RPL14: variants seen among roughly 807,000 people sequenced by gnomAD.
RPL14 encodes large ribosomal subunit protein eL14.
In RPL14, 4 loss-of-function variants were observed where a neutral mutation model predicts 25.3. The ratio of observed to expected loss-of-function variants is 0.16; its 90% confidence interval spans 0.08 to 0.36. RPL14 has a LOEUF of 0.36. RPL14 is among the 10% of genes least tolerant of loss of function. The probability of loss-of-function intolerance (pLI) is 1.00; values close to 1 mark genes in which losing one functional copy is unlikely to be tolerated. For missense variants in RPL14, 212 were observed against 261.9 expected, an observed-to-expected ratio of 0.81 and a Z score of 1.31; for synonymous variants, 75 against 89.8, an observed-to-expected ratio of 0.84 and a Z score of 0.93.
At chr3:40,458,803 T>G in intron 3 of RPL14, 67 bp downstream of exon 3, 1 of 1,250,256 alleles carries the variant, frequency 8.0e-7, no homozygotes, top group Non-Finnish European at 1.2e-6. Flanking sequence ...AAGTTTGTTT[T>G]GGAGTAAACA....
chr3:40,459,476 G>T (rs1575250584), intron 3 of RPL14, among the ~76,000 whole-genome samples: 1 of 152,192 alleles, frequency 6.6e-6, no homozygotes, highest in African/African-American at 2.4e-5. Flanking sequence ...AAACACTTTA[G>T]TGTGTTGCTA....
intron 1 of RPL14, 66 bp from the exon 2 acceptor site, chr3:40,457,824 C>T (rs1268618595): frequency 3.3e-5 from 46 of 1,394,188 alleles, no homozygotes; most frequent in Non-Finnish European, 1.5e-5. Context: ...TCTTTAGCTG[C>T]AGAAGGTGAC....
intron 2 of RPL14, 75 bp downstream of exon 2, chr3:40,458,066 T>C (rs1448328175): frequency 3.9e-6 from 5 of 1,268,716 alleles, no homozygotes; most frequent in Admixed American, 1.7e-5. Flanking sequence ...ATTGTCTCGA[T>C]GGCTGTGTAA....
Position 40,461,830 on chromosome 3 carries a change from ATGTAGT to A in RPL14, c.355-103_355-98del, listed in dbSNP as rs1459819575. The stretch of plus-strand genomic sequence containing the variant: ...CTATGGAATTGTTACCTTTCTTCAG[ATGTAGT>A]TGTAGGGAAACAGACTACTTAATGC... On this transcript the variant is annotated intron_variant, in intron 5 of 5. Transcript: ENST00000396203. 9.1e-5 allele frequency: 120 copies of A among 1,324,474 alleles called. No individual in the cohort carries two copies. In the East Asian group the frequency reaches 1.7e-3, roughly 18 times the overall value. The allele number at this position is 1,324,474 out of a possible 1,614,324, so 82.0% of individuals were successfully genotyped here. A position where few individuals can be genotyped will look rare whatever the true frequency, so the allele number is the denominator to read the frequency against.
chr3:40,457,803 T>A, intron 1 of RPL14, 87 bp from the exon 2 acceptor site: 1 of 1,297,776 alleles, frequency 7.7e-7, no homozygotes, highest in South Asian at 1.2e-5. Context: ...TCGCTGAATT[T>A]AACCATGTTG....
At position 40,468,052 on chromosome 3, in the gene RPL14, A is replaced by G. The variant is rs886106893; in HGVS notation, c.*5820A>G. ...GCCAGGATGGTGGATGGGCATTTGA[A>G]TGGGTAGACTGAGTGATCCTGACCT... On this transcript the variant is annotated 3_prime_UTR_variant, in exon 6 of 6. Transcript: ENST00000396203. 1.3e-5 allele frequency: 2 copies of G among 152,116 alleles called. No homozygotes were observed. The highest frequency in any genetic ancestry group is 2.4e-5 in the African/African-American group (1 of 41,422). The allele number at this position is 152,116 out of a possible 1,614,324, so 9.4% of individuals were successfully genotyped here.
intron 1 of RPL14, chr3:40,457,689 G>C: frequency 1.5e-6 from 1 of 656,518 alleles, no homozygotes; most frequent in Non-Finnish European, 2.6e-6. Context: ...CCTGGGAGCT[G>C]GCGGGCGTTG....
chr3:40,462,917 TTTTA>T lies in RPL14; in HGVS notation c.*697_*700del, dbSNP rs1373168591. On this transcript the variant is annotated 3_prime_UTR_variant, in exon 6 of 6. Transcript: ENST00000396203. ...GATGCTCAAGAGTCTAGCAGATTTA[TTTTA>T]TTTATTTATTTTTTTTTTTTGGAGA... 6 of 152,022 alleles carry T rather than the reference TTTTA, an allele frequency of 3.9e-5. No individual in the cohort carries two copies. In the South Asian group the frequency reaches 8.3e-4, roughly 21 times the overall value. The allele number at this position is 152,022 out of a possible 1,614,324, so 9.4% of individuals were successfully genotyped here.
chr3:40,462,189 C>T lies in RPL14; in HGVS notation c.605C>T (p.Ala202Val), dbSNP rs1696951790. 1.9e-6 allele frequency: 3 copies of T among 1,608,646 alleles called. No individual in the cohort carries two copies. Among genetic ancestry groups the T allele is most frequent in the African/African-American group, 2.7e-5 (2 of 74,298 alleles). ...PKAQKGQKAP[A>V]QKAPAPKASG... Reference sequence around the variant, plus strand: ...GCTCAGAAGGGTCAAAAAGCTCCAGCCCAGAAAGCACCTGCTCCAAAGGCA... The same window carrying T: ...GCTCAGAAGGGTCAAAAAGCTCCAGTCCAGAAAGCACCTGCTCCAAAGGCA... Residue 202 changes from alanine to valine, a missense_variant, in exon 6 of 6, where the codon GCC becomes GTC. Ala to Val is a moderately conservative substitution (Grantham distance 64, BLOSUM62 0). Coordinates refer to ENST00000396203, the MANE Select transcript of RPL14 (RefSeq NM_001034996.3).
rs1415140040 is a variant in RPL14 at position 40,466,852 on chromosome 3, T to C, written c.*4620T>C. On this transcript the variant is annotated 3_prime_UTR_variant, in exon 6 of 6. Transcript: ENST00000396203. Reference sequence around the variant, plus strand: ...TTGACTTCCTCTTATCTCTAAGTAATTGGCATGTCCTCTAATTCATATTTT... The same window carrying C: ...TTGACTTCCTCTTATCTCTAAGTAACTGGCATGTCCTCTAATTCATATTTT... 3 of 152,230 alleles carry C rather than the reference T, an allele frequency of 2.0e-5. No homozygotes were observed. The highest frequency in any genetic ancestry group is 7.2e-5 in the African/African-American group (3 of 41,466). 9.4% of individuals were successfully genotyped at this position (152,230 alleles called of 1,614,324 possible).
chr3:40,457,899 C>G lies in RPL14; in HGVS notation c.13C>G (p.Arg5Gly). 6.2e-7 allele frequency: 1 copy of G among 1,614,170 alleles called. No individual in the cohort carries two copies. The highest frequency in any genetic ancestry group is 8.5e-7 in the Non-Finnish European group (1 of 1,179,982). Residue 5 changes from arginine to glycine, a missense_variant, in exon 2 of 6, where the codon CGC becomes GGC. By Grantham distance (125) the Arg-to-Gly change is moderately radical. Transcript: ENST00000396203. ...TCTCCTCCAATTTTAGGTGTTCAGG[C>G]GCTTCGTGGAGGTTGGCCGGGTGGC... MVFR[R>G]FVEVGRVAYV...
At chr3:40,461,714 G>A in intron 5 of RPL14, 53 bp downstream of exon 5, 1 of 1,501,338 alleles carries the variant, frequency 6.7e-7, no homozygotes, top group South Asian at 1.2e-5. Flanking sequence ...TAATAAGGGA[G>A]CAGTAGCCAA....
intron 2 of RPL14, chr3:40,458,403 C>A (rs1696877409): frequency 1.8e-6 from 1 of 541,386 alleles, no homozygotes; most frequent in Non-Finnish European, 3.3e-6. Context: ...TGGTTGGTTT[C>A]TATGGGGTAC....
chr3:40,464,621 ATC>A lies in RPL14; in HGVS notation c.*2392_*2393del, dbSNP rs1287188225. On this transcript the variant is annotated 3_prime_UTR_variant, in exon 6 of 6. Coordinates refer to ENST00000396203, the MANE Select transcript of RPL14 (RefSeq NM_001034996.3). The stretch of plus-strand genomic sequence containing the variant: ...TGAGGGTTTTTTAAAATGGCGTGAT[ATC>A]TCAGATTTAGATCATTGAACTGTTA... 2.3e-6 allele frequency: 1 copy of A among 434,660 alleles called. No homozygotes were observed. Among genetic ancestry groups the A allele is most frequent in the African/African-American group, 2.0e-5 (1 of 49,334 alleles). 26.9% of individuals were successfully genotyped at this position (434,660 alleles called of 1,614,324 possible).
Position 40,457,391 on chromosome 3 carries a change from G to C in RPL14, c.-81G>C, listed in dbSNP as rs766948814. On this transcript the variant is annotated 5_prime_UTR_variant, in exon 1 of 6. Coordinates refer to ENST00000396203, the MANE Select transcript of RPL14 (RefSeq NM_001034996.3). ...GAGTCTTACTGTTGCGGGCTCCGGG[G>C]CCGTCGACCATGCCGCTCGACCTCC... 6.2e-7 allele frequency: 1 copy of C among 1,602,548 alleles called. No individual in the cohort carries two copies. The highest frequency in any genetic ancestry group is 8.5e-7 in the Non-Finnish European group (1 of 1,174,092).
rs78449513 is a variant in RPL14 at position 40,461,377 on chromosome 3, T to C, written c.201-30T>C. 2,047 of 1,592,998 alleles carry C rather than the reference T, an allele frequency of 1.3e-3. 18 individuals are homozygous for C. The African/African-American group carries it at 0.014, about 11-fold the overall frequency. ...GATAATGAGTGACTTCAAAGCTGATTTCTTAATCTGTGGTCTTGGCTCGTT... is the reference window on the plus strand; with the variant it reads ...GATAATGAGTGACTTCAAAGCTGATCTCTTAATCTGTGGTCTTGGCTCGTT... On this transcript the variant is annotated intron_variant, in intron 3 of 5. Transcript: ENST00000396203.
Position 40,468,586 on chromosome 3 carries a change from A to G in RPL14, c.*6354A>G, listed in dbSNP as rs1410200044. On this transcript the variant is annotated 3_prime_UTR_variant, in exon 6 of 6. Coordinates refer to ENST00000396203, the MANE Select transcript of RPL14 (RefSeq NM_001034996.3). ...AAATAAAATTTAGAATTAGCTTGTC[A>G]AGTAAGTTGTCATATTGTGATTTTT... 1 of 151,768 alleles carries G rather than the reference A, an allele frequency of 6.6e-6. No individual in the cohort carries two copies. The highest frequency in any genetic ancestry group is 1.5e-5 in the Non-Finnish European group (1 of 67,970). The allele number at this position is 151,768 out of a possible 1,614,324, so 9.4% of individuals were successfully genotyped here.
In RPL14 at chr3:40,467,716, T is replaced by C. The variant is rs1697047896; in HGVS notation, c.*5484T>C. On this transcript the variant is annotated 3_prime_UTR_variant, in exon 6 of 6. Transcript: ENST00000396203. ...CTAATCTACCTCATTCTTTTTTATC[T>C]TCTGCATAATAATCCACAACATGAA... The C allele has an allele frequency of 6.6e-6, 1 of 152,270 alleles. No individual in the cohort carries two copies. The highest frequency in any genetic ancestry group is 2.4e-5 in the African/African-American group (1 of 41,472). The allele number at this position is 152,270 out of a possible 1,614,324, so 9.4% of individuals were successfully genotyped here.
chr3:40,460,101 T>C (rs1382639931), intron 3 of RPL14, among the ~76,000 whole-genome samples: 1 of 152,186 alleles, frequency 6.6e-6, no homozygotes, highest in Admixed American at 6.5e-5. Flanking sequence ...CACTAGGTAC[T>C]CTTGTAATTC....
Sources: gnomAD v4.1 joint callset for allele counts (sites outside exome capture counted in the v4.1 genomes callset) on GRCh38, gnomAD v4.1.1 for gene constraint, MANE v1.5 for transcripts, NCBI Gene and HGNC (gene_info 2026-07-23, HGNC 2026-07-21) for gene names.